MATCAP2: variants seen among roughly 807,000 people sequenced by gnomAD.
The protein encoded by MATCAP2 is putative tyrosine carboxypeptidase MATCAP2.
chr7:36,350,370 T>G, the MATCAP2 span, among the ~76,000 whole-genome samples: 1 of 152,170 alleles, frequency 6.6e-6, no homozygotes, highest in Non-Finnish European at 1.5e-5. Flanking sequence ...AAAAGACTGT[T>G]TTCAGAGGAT....
chr7:36,334,979 A>G, the MATCAP2 span: 20 of 1,464,752 alleles, frequency 1.4e-5, no homozygotes, highest in Admixed American at 1.8e-4. Flanking sequence ...AACCCCTTCT[A>G]AAAGAACATT....
At chr7:36,383,393 G>A in the MATCAP2 span, among the ~76,000 whole-genome samples, 1 of 152,118 alleles carries the variant, frequency 6.6e-6, no homozygotes, top group South Asian at 2.1e-4. Flanking sequence ...GTTCACAATA[G>A]CAAAGACTTG....
chr7:36,341,862 A>C, the MATCAP2 span, among the ~76,000 whole-genome samples: 3 of 152,158 alleles, frequency 2.0e-5, no homozygotes, highest in Non-Finnish European at 2.9e-5. Context: ...TTGATTTTGG[A>C]CTTCCCAGGC....
the MATCAP2 span, among the ~76,000 whole-genome samples, chr7:36,383,052 T>C: frequency 1.3e-5 from 2 of 152,176 alleles, no homozygotes; most frequent in Non-Finnish European, 2.9e-5. Flanking sequence ...ATATAATATG[T>C]TCAGAAAGCA....
the MATCAP2 span, among the ~76,000 whole-genome samples, chr7:36,364,065 G>A: frequency 1.3e-4 from 19 of 148,000 alleles, no homozygotes; most frequent in East Asian, 2.0e-4. Flanking sequence ...TTTAAATCCC[G>A]GAAGCTAAAG....
At chr7:36,367,571 C>G in the MATCAP2 span, among the ~76,000 whole-genome samples, 4 of 152,280 alleles carry the variant, frequency 2.6e-5, no homozygotes, top group Admixed American at 1.3e-4. Flanking sequence ...TGCGGGGAAG[C>G]TAAAACACGT....
the MATCAP2 span, among the ~76,000 whole-genome samples, chr7:36,375,211 G>C: frequency 4.4e-4 from 67 of 152,248 alleles, 1 homozygote; most frequent in South Asian, 0.013. Context: ...GTTGTTTCCT[G>C]ACTTTTTAAT....
chr7:36,390,002 G>A, the MATCAP2 span: 11 of 1,613,948 alleles, frequency 6.8e-6, no homozygotes, highest in East Asian at 2.5e-4. Context: ...CGTTTCCATC[G>A]TCTCGTAGTC....
the MATCAP2 span, among the ~76,000 whole-genome samples, chr7:36,361,847 T>C: frequency 2.6e-5 from 4 of 152,232 alleles, no homozygotes; most frequent in Non-Finnish European, 5.9e-5. Context: ...AAACTGACGT[T>C]GTAAGCAACA....
chr7:36,326,977 T>C, the MATCAP2 span: 3 of 1,477,184 alleles, frequency 2.0e-6, no homozygotes, highest in Non-Finnish European at 2.8e-6. Context: ...ATTTTAAGGA[T>C]GAATTTCTTC....
the MATCAP2 span, among the ~76,000 whole-genome samples, chr7:36,347,429 A>C: frequency 6.6e-6 from 1 of 152,206 alleles, no homozygotes; most frequent in Admixed American, 6.5e-5. Flanking sequence ...TGAGGACACC[A>C]GTATGATAGG....
At chr7:36,369,392 G>T in the MATCAP2 span, among the ~76,000 whole-genome samples, 7 of 152,164 alleles carry the variant, frequency 4.6e-5, no homozygotes, top group African/African-American at 1.7e-4. Flanking sequence ...TAACCATGCT[G>T]TTGGCTTCCT....
the MATCAP2 span, among the ~76,000 whole-genome samples, chr7:36,363,718 C>T: frequency 6.6e-6 from 1 of 152,158 alleles, no homozygotes; most frequent in Non-Finnish European, 1.5e-5. Flanking sequence ...GACCAAGTTA[C>T]ATAACTTCTT....
chr7:36,385,870 G>T, the MATCAP2 span, among the ~76,000 whole-genome samples: 1 of 149,090 alleles, frequency 6.7e-6, no homozygotes, highest in African/African-American at 2.4e-5. Flanking sequence ...AGAAAGAACT[G>T]TTGGGTAGGC....
the MATCAP2 span, chr7:36,324,482 T>C: frequency 6.6e-6 from 1 of 152,200 alleles, no homozygotes; most frequent in African/African-American, 2.4e-5. Flanking sequence ...TAATCATCAA[T>C]AGCCTATGAC....
the MATCAP2 span, among the ~76,000 whole-genome samples, chr7:36,363,660 A>T: frequency 2.6e-5 from 4 of 152,156 alleles, no homozygotes; most frequent in Non-Finnish European, 5.9e-5. Context: ...TTTGGAATGG[A>T]GTTGTCTGGT....
At chr7:36,338,758 T>C in the MATCAP2 span, among the ~76,000 whole-genome samples, 1 of 152,252 alleles carries the variant, frequency 6.6e-6, no homozygotes, top group Non-Finnish European at 1.5e-5. Context: ...ACATTTGTCA[T>C]CTATTATCTC....
At chr7:36,352,549 C>A in the MATCAP2 span, among the ~76,000 whole-genome samples, 1 of 149,260 alleles carries the variant, frequency 6.7e-6, no homozygotes, top group African/African-American at 2.5e-5. Context: ...CAGTATGGGC[C>A]GGGCACGGTG....
the MATCAP2 span, among the ~76,000 whole-genome samples, chr7:36,361,236 T>C: frequency 6.6e-6 from 1 of 152,128 alleles, no homozygotes; most frequent in Admixed American, 6.5e-5. Flanking sequence ...AGCCTAATCA[T>C]TAAACCCATC....
Sources: gnomAD v4.1 joint callset for allele counts (sites outside exome capture counted in the v4.1 genomes callset) on GRCh38, gnomAD v4.1.1 for gene constraint, MANE v1.5 for transcripts, NCBI Gene and HGNC (gene_info 2026-07-23, HGNC 2026-07-21) for gene names.